Variants in CDH8 observed in about 807,000 individuals in gnomAD.
The protein encoded by CDH8 is cadherin 8, also known as cadherin-8.
CDH8 carries 17 observed loss-of-function variants against 68.1 expected under a neutral mutation model. The observed-to-expected ratio is 0.25, with a 90% CI of 0.17 to 0.37. CDH8 has a LOEUF of 0.37. CDH8 is among the 10% of genes least tolerant of loss of function. The pLI, the probability that CDH8 is intolerant of heterozygous loss-of-function variation, is 1.00. For synonymous variants in CDH8, 372 were observed against 365.1 expected (o/e 1.02, Z -0.21); for missense variants, 763 against 999.3 (o/e 0.76, Z 3.19).
rs530086195 is a variant in CDH8, at chr16:61,733,473, A to T, written c.1415-6258T>A. ...GACACTAAAATAAAATAATAAGAAA[A>T]TAAAAAAATATATTGTGCTTCATCA... is the stretch of plus-strand genomic sequence containing the variant. On this transcript the variant is annotated intron_variant, in intron 8 of 11. Transcript: ENST00000577390. 4.2e-4 allele frequency among the ~76,000 whole-genome samples: 64 copies of T among 151,838 alleles called. No individual in the cohort carries two copies. The Middle Eastern group carries it at 0.02, about 48-fold the overall frequency.
chr16:61,821,176 C>T (rs1486153698), intron 5 of CDH8, 63 bp from the exon 6 acceptor site: 1 of 1,354,548 alleles, frequency 7.4e-7, no homozygotes, highest in East Asian at 2.4e-5. Flanking sequence ...ATTCATATGG[C>T]AAATATCTTT....
At chr16:61,844,062 G>A (rs944383886) in intron 4 of CDH8, among the ~76,000 whole-genome samples, 6 of 152,004 alleles carry the variant, frequency 3.9e-5, no homozygotes, top group African/African-American at 1.5e-4. Flanking sequence ...TTAAGAAAAT[G>A]TGGCACATAT....
intron 9 of CDH8, 30 bp downstream of exon 9, chr16:61,727,064 A>G: frequency 6.2e-7 from 1 of 1,608,182 alleles, no homozygotes; most frequent in Non-Finnish European, 8.5e-7. Context: ...ATACAAACAT[A>G]TTCAGCATTA....
intron 4 of CDH8, among the ~76,000 whole-genome samples, chr16:61,850,046 A>T (rs1471934026): frequency 6.6e-6 from 1 of 152,062 alleles, no homozygotes; most frequent in Non-Finnish European, 1.5e-5. Context: ...GGACTTATAT[A>T]CTATCCATTT....
intron 10 of CDH8, among the ~76,000 whole-genome samples, chr16:61,673,028 T>C (rs1963828838): frequency 6.6e-6 from 1 of 152,150 alleles, no homozygotes; most frequent in Non-Finnish European, 1.5e-5. Context: ...GCTATAGTTA[T>C]GAACCAAATT....
rs1314136000 is a variant in CDH8, at chr16:61,727,212, T to C, written c.1418A>G (p.Asn473Ser). ...AGGTACTCGTGATATCTGACTGTGG[T>C]TCCCTATGGGAAGGAAAAAATAACA... ...NITIIATEIRNHSQISRVPVA... is the reference protein window; with the variant it reads ...NITIIATEIRSHSQISRVPVA... The change falls in exon 9 of 12, where the codon AAC (asparagine) becomes AGC (serine). Residue 473 changes from asparagine to serine, a missense_variant. This residue lies in a region of CDH8 where 397 missense variants were observed against 436.2 expected (regional missense o/e 0.91). Transcript: ENST00000577390. 6.2e-7 allele frequency: 1 copy of C among 1,605,898 alleles called. No homozygotes were observed. The highest frequency in any genetic ancestry group is 2.2e-5 in the East Asian group (1 of 44,710).
intron 2 of CDH8, among the ~76,000 whole-genome samples, chr16:61,919,404 T>A (rs1964318749): frequency 6.8e-6 from 1 of 146,528 alleles, no homozygotes. Flanking sequence ...GGCAAAGAAG[T>A]TGGAAACTTT....
intron 10 of CDH8, among the ~76,000 whole-genome samples, chr16:61,674,516 C>A (rs758043504): frequency 6.6e-6 from 1 of 150,842 alleles, no homozygotes; most frequent in Non-Finnish European, 1.5e-5. Flanking sequence ...TTCATTTCTA[C>A]CAAACTCAAG....
chr16:61,648,594 A>G lies in CDH8; in HGVS notation c.*5014T>C, dbSNP rs1963254623. The G allele has an allele frequency of 1.3e-5, 2 of 151,286 alleles. No individual in the cohort carries two copies. The allele number at this position is 151,286 out of a possible 1,614,324, so 9.4% of individuals were successfully genotyped here. ...CAACCAAACTTAAACCCAGACTCAA[A>G]TAGTATTTATCCATAGATAAAAAAA... On this transcript the variant is annotated 3_prime_UTR_variant, in exon 12 of 12. Transcript: ENST00000577390.
At chr16:61,858,068 AACAC>A (rs371499529) in intron 3 of CDH8, among the ~76,000 whole-genome samples, 15 of 148,942 alleles carry the variant, frequency 1.0e-4, no homozygotes, top group African/African-American at 2.2e-4. Context: ...TAAATAATCA[AACAC>A]ACACACACAC....
rs1246091964 is a variant in CDH8, at chr16:61,650,673, G to GT, written c.*2934dup. ...AATGTGTGTTTTTTATTTGTTTGTT[G>GT]TGTGTGTGTGTGTGTGTGTGTGTGT... On this transcript the variant is annotated 3_prime_UTR_variant, in exon 12 of 12. Coordinates refer to ENST00000577390, the MANE Select transcript of CDH8 (RefSeq NM_001796.5). 1.5e-5 allele frequency: 1 copy of GT among 68,644 alleles called. No individual in the cohort carries two copies. Among genetic ancestry groups the GT allele is most frequent in the African/African-American group, 4.7e-5 (1 of 21,388 alleles). The allele number at this position is 68,644 out of a possible 1,614,324, so 4.3% of individuals were successfully genotyped here.
chr16:61,831,202 A>T (rs1048914906), intron 4 of CDH8, among the ~76,000 whole-genome samples: 3 of 151,810 alleles, frequency 2.0e-5, no homozygotes, highest in African/African-American at 7.2e-5. Flanking sequence ...AATTCAAGCA[A>T]ACAAGAGAAT....
chr16:61,860,758 T>C (rs1021266719), intron 3 of CDH8, among the ~76,000 whole-genome samples: 3 of 152,190 alleles, frequency 2.0e-5, no homozygotes, highest in African/African-American at 7.2e-5. Context: ...AAACTTCCTG[T>C]CATTACCAAA....
intron 10 of CDH8, among the ~76,000 whole-genome samples, chr16:61,683,782 G>T (rs995762020): frequency 6.6e-6 from 1 of 151,962 alleles, no homozygotes; most frequent in African/African-American, 2.4e-5. Context: ...GCTTCTTGTT[G>T]CTCAATGGCA....
chr16:61,790,037 T>C (rs1319311769), intron 7 of CDH8, among the ~76,000 whole-genome samples: 1 of 151,690 alleles, frequency 6.6e-6, no homozygotes, highest in Non-Finnish European at 1.5e-5. Context: ...TCTCAGTCCA[T>C]AGAAATTGGA....
At chr16:61,869,851 C>A (rs1963323777) in intron 3 of CDH8, among the ~76,000 whole-genome samples, 1 of 152,148 alleles carries the variant, frequency 6.6e-6, no homozygotes, top group Non-Finnish European at 1.5e-5. Context: ...GCACTCAATT[C>A]AGTTCTGTTT....
At chr16:61,713,741 A>T (rs1964671622) in intron 10 of CDH8, 100 bp downstream of exon 10, 1 of 681,490 alleles carries the variant, frequency 1.5e-6, no homozygotes, top group Non-Finnish European at 2.6e-6. Flanking sequence ...CTCATAGTTG[A>T]ACAAAAATTA....
At chr16:61,664,788 G>T (rs937125199) in intron 10 of CDH8, among the ~76,000 whole-genome samples, 5 of 151,952 alleles carry the variant, frequency 3.3e-5, no homozygotes, top group African/African-American at 1.2e-4. Context: ...CTATTTTACT[G>T]AAGTGAAATT....
intron 10 of CDH8, among the ~76,000 whole-genome samples, chr16:61,703,990 A>G (rs1007604139): frequency 3.3e-5 from 5 of 152,208 alleles, no homozygotes; most frequent in African/African-American, 1.2e-4. Flanking sequence ...TCAAGATACC[A>G]AAAACCATCT....
Sources: allele counts gnomAD v4.1 joint callset (sites outside exome capture counted in the v4.1 genomes callset), GRCh38; gene constraint gnomAD v4.1.1; regional missense constraint gnomAD v4.1.1; transcripts MANE v1.5; gene names NCBI Gene and HGNC (gene_info 2026-07-23, HGNC 2026-07-21).